Variants in SYNRG observed in about 807,000 individuals in gnomAD.
The protein encoded by SYNRG is synergin gamma.
In SYNRG, 37 loss-of-function variants were observed where a neutral mutation model predicts 130.9. The ratio of observed to expected loss-of-function variants is 0.28; its 90% confidence interval spans 0.22 to 0.37. The LOEUF (loss-of-function observed/expected upper bound fraction) is 0.37. Among genes scored for constraint, SYNRG ranks in the 10% least tolerant of loss-of-function variants. The pLI is 1.00. For missense variants in SYNRG, 1,338 were observed against 1,588.9 expected, an observed-to-expected ratio of 0.84 and a Z score of 2.68; for synonymous variants, 539 against 568.1, an observed-to-expected ratio of 0.95 and a Z score of 0.73.
intron 6 of SYNRG, among the ~76,000 whole-genome samples, chr17:37,580,623 C>T (rs1309499245): frequency 6.6e-6 from 1 of 152,080 alleles, no homozygotes; most frequent in Non-Finnish European, 1.5e-5. Context: ...CAACCTCCAC[C>T]TCCTGGGTTC....
intron 3 of SYNRG, among the ~76,000 whole-genome samples, chr17:37,588,566 T>C (rs1345750718): frequency 6.6e-6 from 1 of 152,124 alleles, no homozygotes; most frequent in Admixed American, 6.6e-5. Context: ...CCCAGCCAGC[T>C]TGGAATGCCT....
At chr17:37,575,773 G>GTCAA (rs955174270) in intron 8 of SYNRG, among the ~76,000 whole-genome samples, 4 of 150,172 alleles carry the variant, frequency 2.7e-5, no homozygotes, top group Non-Finnish European at 5.9e-5. Context: ...GCCTGGGGAG[G>GTCAA]TCAAGGCTGC....
At position 37,519,039 on chromosome 17, in the gene SYNRG, C is replaced by T; in HGVS notation, c.3846G>A (p.Leu1282=). The change falls in exon 22 of 22, where the codon CTG becomes CTA. Residue 1282 remains leucine, a synonymous_variant. Transcript: ENST00000612223. ...AFNSETDSFK[L]AYGGHQYHAS... ...CGTGATACTGGTGCCCTCCATAGGC[C>T]AGCTTGAAACTGTCTGTTTCTGAGT... 1 of 1,614,112 alleles carries T rather than the reference C, an allele frequency of 6.2e-7. No individual in the cohort carries two copies. Among genetic ancestry groups the T allele is most frequent in the Middle Eastern group, 1.7e-4 (1 of 6,060 alleles).
chr17:37,531,197 C>T (rs531298829), intron 19 of SYNRG, among the ~76,000 whole-genome samples: 3 of 152,308 alleles, frequency 2.0e-5, no homozygotes, highest in Non-Finnish European at 2.9e-5. Context: ...TGTGCCACTG[C>T]ACTCCAGCCT....
At chr17:37,527,525 G>A (rs908733448) in intron 19 of SYNRG, among the ~76,000 whole-genome samples, 15 of 151,968 alleles carry the variant, frequency 9.9e-5, no homozygotes, top group Admixed American at 8.5e-4. Flanking sequence ...GTCAGCCCTC[G>A]GTATCCATGG....
At chr17:37,572,452 T>A (rs889225726) in intron 8 of SYNRG, among the ~76,000 whole-genome samples, 2 of 151,108 alleles carry the variant, frequency 1.3e-5, no homozygotes, top group Non-Finnish European at 1.5e-5. Flanking sequence ...GAAAAAAAAA[T>A]TTGAGATATT....
chr17:37,561,687 A>G, intron 11 of SYNRG, 98 bp from the exon 12 acceptor site: 1 of 807,290 alleles, frequency 1.2e-6, no homozygotes, highest in Admixed American at 2.2e-5. Context: ...ATTTCATTAA[A>G]ACTCATGGCT....
At chr17:37,593,502 G>C (rs2062393878) in intron 3 of SYNRG, among the ~76,000 whole-genome samples, 2 of 152,044 alleles carry the variant, frequency 1.3e-5, no homozygotes, top group Non-Finnish European at 2.9e-5. Flanking sequence ...AGGAACAATG[G>C]GTTTGCTTCA....
At chr17:37,523,517 A>G (rs943537052) in intron 19 of SYNRG, among the ~76,000 whole-genome samples, 2 of 152,214 alleles carry the variant, frequency 1.3e-5, no homozygotes, top group African/African-American at 4.8e-5. Context: ...ATTCCTGAAC[A>G]TTTAACAATC....
chr17:37,519,122 C>CA (rs758882920), intron 21 of SYNRG, 51 bp from the exon 22 acceptor site: 1 of 1,590,764 alleles, frequency 6.3e-7, no homozygotes, highest in Non-Finnish European at 8.6e-7. Flanking sequence ...TTCTGCATCT[C>CA]AGAGCTTTTC....
chr17:37,594,197 ATATTAAT>A (rs2062486700), intron 3 of SYNRG, among the ~76,000 whole-genome samples: 1 of 135,210 alleles, frequency 7.4e-6, no homozygotes, highest in African/African-American at 2.8e-5. Flanking sequence ...TATTTTAATT[ATATTAAT>A]TACAATATTA....
chr17:37,586,324 T>A, intron 4 of SYNRG, 95 bp downstream of exon 4: 2 of 1,527,696 alleles, frequency 1.3e-6, no homozygotes. Context: ...TTTTGACTGT[T>A]TTAGTTTCAA....
At chr17:37,525,769 C>A (rs375442906) in intron 19 of SYNRG, among the ~76,000 whole-genome samples, 11 of 152,106 alleles carry the variant, frequency 7.2e-5, no homozygotes, top group African/African-American at 2.2e-4. Context: ...CTTTGGAGAC[C>A]AGCCTGGCCA....
chr17:37,599,246 G>A (rs2063051228), intron 2 of SYNRG, among the ~76,000 whole-genome samples: 1 of 152,228 alleles, frequency 6.6e-6, no homozygotes, highest in Non-Finnish European at 1.5e-5. Context: ...TGAGCGGAAA[G>A]AAGCCAGATG....
rs1359521160 is a variant in SYNRG, at chr17:37,525,714, T to C, written c.3667-5066A>G. ...CGGGAGCGGTGGCTCACACCTGTAA[T>C]CTCAGCACTTTGGGAGGCCAAGGCG... On this transcript the variant is annotated intron_variant, in intron 19 of 21. Coordinates refer to ENST00000612223, the MANE Select transcript of SYNRG (RefSeq NM_007247.6). 5.3e-5 allele frequency among the ~76,000 whole-genome samples: 8 copies of C among 152,080 alleles called. No individual in the cohort carries two copies. The East Asian group carries it at 7.8e-4, about 15-fold the overall frequency.
At chr17:37,524,748 C>G (rs2055616358) in intron 19 of SYNRG, among the ~76,000 whole-genome samples, 1 of 152,232 alleles carries the variant, frequency 6.6e-6, no homozygotes, top group Non-Finnish European at 1.5e-5. Context: ...GGACATAAAA[C>G]ATGCTCTGGA....
chr17:37,535,287 C>A (rs1042135851), intron 19 of SYNRG, among the ~76,000 whole-genome samples: 3 of 151,970 alleles, frequency 2.0e-5, no homozygotes, highest in African/African-American at 7.3e-5. Context: ...GTAAAAAATA[C>A]CTTAGGGAAT....
At chr17:37,587,926 G>A (rs569190043) in intron 3 of SYNRG, among the ~76,000 whole-genome samples, 1 of 152,244 alleles carries the variant, frequency 6.6e-6, no homozygotes, top group African/African-American at 2.4e-5. Flanking sequence ...ATCTAGATCA[G>A]TAATTCTCCT....
At chr17:37,579,346 C>T in intron 6 of SYNRG, 1 of 1,304,196 alleles carries the variant, frequency 7.7e-7, no homozygotes, top group Non-Finnish European at 1.0e-6. Context: ...CTTCAACAGG[C>T]CCCTGCATAA....
Sources: allele counts gnomAD v4.1 joint callset (sites outside exome capture counted in the v4.1 genomes callset), GRCh38; gene constraint gnomAD v4.1.1; transcripts MANE v1.5; gene names NCBI Gene and HGNC (gene_info 2026-07-23, HGNC 2026-07-21).